The following NFX1 variants were observed in gnomAD, a reference collection of about 807,000 sequenced individuals.
The protein encoded by NFX1 is nuclear transcription factor, X-box binding 1.
A neutral mutation model predicts 137.2 loss-of-function variants in NFX1; 69 were observed. That is an observed-to-expected ratio of 0.50 (90% CI 0.41 to 0.61). The LOEUF is 0.61. Ranked by LOEUF, NFX1 falls within the 20% of genes least tolerant of loss-of-function variation. NFX1 has a pLI of 0.00. For missense variants in NFX1, 1,167 were observed against 1,391.0 expected (o/e 0.84, Z 2.56); for synonymous variants, 495 against 474.1 (o/e 1.04, Z -0.57).
intron 1 of NFX1, among the ~76,000 whole-genome samples, chr9:33,291,670 G>A (rs867770913): frequency 5.3e-5 from 8 of 152,232 alleles, no homozygotes; most frequent in African/African-American, 1.9e-4. Flanking sequence ...TTGGGAGGCC[G>A]AGGTGGACGG....
intron 12 of NFX1, among the ~76,000 whole-genome samples, chr9:33,339,021 A>T (rs530408352): frequency 6.6e-6 from 1 of 152,316 alleles, no homozygotes; most frequent in South Asian, 2.1e-4. Flanking sequence ...AAGATTTTTT[A>T]AAATAAAATA....
chr9:33,324,702 C>T (rs1039854919), intron 9 of NFX1, among the ~76,000 whole-genome samples: 8 of 151,442 alleles, frequency 5.3e-5, no homozygotes, highest in Non-Finnish European at 1.0e-4. Flanking sequence ...CTGAGGCAGG[C>T]GAATCACGAG....
chr9:33,300,806 A>G (rs1055592982), intron 2 of NFX1, among the ~76,000 whole-genome samples: 2 of 152,228 alleles, frequency 1.3e-5, no homozygotes, highest in Non-Finnish European at 2.9e-5. Context: ...GAGCCATCTC[A>G]CCACTCATGG....
At chr9:33,300,292 C>T (rs1474957179) in intron 2 of NFX1, among the ~76,000 whole-genome samples, 6 of 151,612 alleles carry the variant, frequency 4.0e-5, no homozygotes, top group African/African-American at 7.3e-5. Flanking sequence ...CTTGATCTCC[C>T]GACCTCATGA....
rs777875408 is a variant in NFX1, at chr9:33,294,679, G to A, written c.285G>A (p.Ser95=). The A allele has an allele frequency of 1.1e-5, 18 of 1,613,940 alleles. No individual in the cohort carries two copies. Among genetic ancestry groups the A allele is most frequent in the African/African-American group, 2.7e-5 (2 of 74,884 alleles). Residue 95 remains serine, a synonymous_variant, in exon 2 of 24, where the codon TCG becomes TCA. Coordinates refer to ENST00000379540, the MANE Select transcript of NFX1 (RefSeq NM_002504.6). ...TCCAGTCCTCTCCTTGTAATAAATC[G>A]CCCAAGAGCCATGGCCTTCAGAATC... The part of the protein sequence containing the change: ...TSFQSSPCNK[S]PKSHGLQNQP...
intron 13 of NFX1, 108 bp downstream of exon 13, chr9:33,342,962 C>G (rs1016195232): frequency 1.4e-6 from 1 of 720,938 alleles, no homozygotes; most frequent in African/African-American, 1.8e-5. Context: ...TTGAACTAAG[C>G]CTTCGTATTT....
At chr9:33,346,429 C>A (rs980291997) in intron 14 of NFX1, among the ~76,000 whole-genome samples, 1 of 152,170 alleles carries the variant, frequency 6.6e-6, no homozygotes, top group Non-Finnish European at 1.5e-5. Context: ...TCTTAACATT[C>A]TCCGAGAGGA....
intron 1 of NFX1, among the ~76,000 whole-genome samples, chr9:33,292,532 G>T (rs1460620121): frequency 6.6e-6 from 1 of 152,194 alleles, no homozygotes; most frequent in Non-Finnish European, 1.5e-5. Context: ...TAGACATCCT[G>T]TTTACTAACT....
chr9:33,294,218 G>A (rs1821262768), intron 1 of NFX1, among the ~76,000 whole-genome samples: 1 of 152,166 alleles, frequency 6.6e-6, no homozygotes, highest in Non-Finnish European at 1.5e-5. Flanking sequence ...TTGGTGTTTG[G>A]TTTTTGGACA....
chr9:33,363,254 TAAAG>T (rs1248275840), intron 19 of NFX1, among the ~76,000 whole-genome samples: 6 of 145,920 alleles, frequency 4.1e-5, no homozygotes, highest in African/African-American at 2.6e-5. Context: ...AATAAAATAA[TAAAG>T]AAATGTATTA....
chr9:33,348,812 C>A (rs556475101), intron 15 of NFX1: 2 of 981,558 alleles, frequency 2.0e-6, no homozygotes, highest in East Asian at 1.1e-4. Flanking sequence ...AACCACCAGA[C>A]GTGGTACACA....
intron 12 of NFX1, among the ~76,000 whole-genome samples, chr9:33,339,456 C>T (rs1823137580): frequency 6.6e-6 from 1 of 152,184 alleles, no homozygotes; most frequent in Non-Finnish European, 1.5e-5. Flanking sequence ...CAATTACCTC[C>T]CACCAGGTCC....
intron 17 of NFX1, among the ~76,000 whole-genome samples, chr9:33,353,293 G>T (rs1469938205): frequency 6.6e-6 from 1 of 152,336 alleles, no homozygotes; most frequent in African/African-American, 2.4e-5. Context: ...CCAGGGCTAA[G>T]CTCTGTGCTC....
chr9:33,337,731 TAAAAC>T (rs144681736), intron 11 of NFX1, among the ~76,000 whole-genome samples: 8 of 149,320 alleles, frequency 5.4e-5, no homozygotes, highest in African/African-American at 2.0e-4. Flanking sequence ...CCTGTCTCTT[TAAAAC>T]AAAACAAAAC....
At chr9:33,312,390 T>C (rs1202472598) in intron 6 of NFX1, among the ~76,000 whole-genome samples, 3 of 152,236 alleles carry the variant, frequency 2.0e-5, no homozygotes, top group Admixed American at 1.3e-4. Context: ...GGCAGCATAA[T>C]AGGCTAGTGT....
chr9:33,313,874 T>G (rs1400933349), intron 7 of NFX1, 81 bp downstream of exon 7: 1 of 1,449,534 alleles, frequency 6.9e-7, no homozygotes, highest in African/African-American at 1.4e-5. Context: ...AAACTTTGAT[T>G]GGTGTCAGAC....
At position 33,354,874 on chromosome 9, in the gene NFX1, C is replaced by T. The variant is rs1385168260; in HGVS notation, c.2855C>T (p.Ser952Leu). ...AGGCTGGAGTGTGATGAGGAGTGTT[C>T]AGCCTTGGAAAGGAAAAAGTAAGTA... ...QARLECDEEC[S>L]ALERKKRLAE... Residue 952 changes from serine to leucine, a missense_variant, in exon 19 of 24, where the codon TCA (serine) becomes TTA (leucine). By Grantham distance (145) the Ser-to-Leu change is moderately radical. Coordinates refer to ENST00000379540, the MANE Select transcript of NFX1 (RefSeq NM_002504.6). The T allele has an allele frequency of 6.2e-7, 1 of 1,613,836 alleles. No homozygotes were observed. The highest frequency in any genetic ancestry group is 2.2e-5 in the East Asian group (1 of 44,864).
Position 33,318,841 on chromosome 9 carries a change from AC to A in NFX1, c.1688+12del. 1 of 1,614,184 alleles carries A rather than the reference AC, an allele frequency of 6.2e-7. No individual in the cohort carries two copies. Among genetic ancestry groups the A allele is most frequent in the Non-Finnish European group, 8.5e-7 (1 of 1,180,008 alleles). On this transcript the variant is annotated intron_variant, in intron 8 of 23. Coordinates refer to ENST00000379540, the MANE Select transcript of NFX1 (RefSeq NM_002504.6). ...AAAGATATGTGGCAAGTAAGGTTTT[AC>A]GTTTTCTTCAGTTGAACTAAAGCTG...
chr9:33,297,420 C>T (rs1206145053), intron 2 of NFX1, among the ~76,000 whole-genome samples: 3 of 152,198 alleles, frequency 2.0e-5, no homozygotes, highest in African/African-American at 7.2e-5. Flanking sequence ...TTACTGAATC[C>T]TTAAGGCTGG....
Sources: gnomAD v4.1 joint callset for allele counts (sites outside exome capture counted in the v4.1 genomes callset) on GRCh38, gnomAD v4.1.1 for gene constraint, MANE v1.5 for transcripts, NCBI Gene and HGNC (gene_info 2026-07-23, HGNC 2026-07-21) for gene names.